Variants in LRRC45 observed in about 807,000 individuals in gnomAD.
The protein encoded by LRRC45 is leucine-rich repeat-containing protein 45.
A neutral mutation model predicts 85.4 loss-of-function variants in LRRC45; 73 were observed. That is an observed-to-expected ratio of 0.85 (90% CI 0.71 to 1.04). The LOEUF (loss-of-function observed/expected upper bound fraction) is 1.04, where lower values mean the gene tolerates loss of function less well. Among genes scored for constraint, LRRC45 ranks in the 50% least tolerant of loss-of-function variants. The pLI is 0.00. For synonymous variants in LRRC45, 429 were observed against 386.0 expected (o/e 1.11, Z -1.31); for missense variants, 937 against 883.3 (o/e 1.06, Z -0.77).
rs1029594724 is a variant in LRRC45 at position 82,023,309 on chromosome 17, T to C, written c.-335T>C. The C allele has an allele frequency of 6.6e-6, 3 of 452,642 alleles. No homozygotes were observed. Among genetic ancestry groups the C allele is most frequent in the African/African-American group, 2.1e-5 (1 of 47,970 alleles). 28.0% of individuals were successfully genotyped at this position (452,642 alleles called of 1,614,324 possible). ...CGGCCTCTCCCGGCGCGCCTTGTTC[T>C]TCCTGGATACTGAGGCCCCGACGCG... On this transcript the variant is annotated 5_prime_UTR_variant, in exon 1 of 17. Coordinates refer to ENST00000306688, the MANE Select transcript of LRRC45 (RefSeq NM_144999.4).
rs768733980 is a variant in LRRC45 at position 82,027,787 on chromosome 17, G to T, written c.911+36G>T. ...GGTGGCCTCAGGATACTTCAGAGACGTGCCCACAGGGCAGAGAAAGGTGGT... is the reference window on the plus strand; with the variant it reads ...GGTGGCCTCAGGATACTTCAGAGACTTGCCCACAGGGCAGAGAAAGGTGGT... On this transcript the variant is annotated intron_variant, in intron 8 of 16. Coordinates refer to ENST00000306688, the MANE Select transcript of LRRC45 (RefSeq NM_144999.4). The T allele has an allele frequency of 3.8e-6, 6 of 1,597,378 alleles. No individual in the cohort carries two copies. The East Asian group carries it at 1.3e-4, about 36-fold the overall frequency.
Position 82,028,401 on chromosome 17 carries a change from A to T in LRRC45, c.1130A>T (p.Asp377Val). The T allele has an allele frequency of 1.9e-6, 3 of 1,612,572 alleles. No homozygotes were observed. In the South Asian group the frequency reaches 3.3e-5, roughly 18 times the overall value. ...EKNLLLQNQV[D>V]ELERKFRCQQ... ...CTCCCTGGTGCCGGCTTTCAGGTAGACGAGTTGGAGCGGAAGTTCAGGTGT... is the reference window on the plus strand; with the variant it reads ...CTCCCTGGTGCCGGCTTTCAGGTAGTCGAGTTGGAGCGGAAGTTCAGGTGT... Residue 377 changes from aspartate (D) to valine (V), a missense_variant, in exon 11 of 17, where the codon GAC (aspartate) becomes GTC (valine). By Grantham distance (152) the Asp-to-Val change is radical (BLOSUM62 -3). Transcript: ENST00000306688.
intron 16 of LRRC45, 68 bp from the exon 17 acceptor site, chr17:82,030,541 C>A: frequency 6.7e-7 from 1 of 1,501,612 alleles, no homozygotes; most frequent in South Asian, 1.2e-5. Flanking sequence ...CTGGCCAGGT[C>A]TCCCGTGCTG....
rs1019079219 is a variant in LRRC45, at chr17:82,030,258, G to A, written c.1668+20G>A. On this transcript the variant is annotated intron_variant, in intron 15 of 16. Transcript: ENST00000306688. ...CAGCAGGTAGGCGGGGCTCCGGTGG[G>A]GGGCCCCGGGCGTGCTAGCCCCCAA... 6.5e-7 allele frequency: 1 copy of A among 1,534,318 alleles called. No homozygotes were observed. The highest frequency in any genetic ancestry group is 8.8e-7 in the Non-Finnish European group (1 of 1,136,152).
chr17:82,029,427 C>CCTG, intron 13 of LRRC45, 116 bp from the exon 14 acceptor site: 1 of 1,211,188 alleles, frequency 8.3e-7, no homozygotes, highest in Non-Finnish European at 1.2e-6. Flanking sequence ...GCTGCGTGGC[C>CCTG]CTCAGGAGGC....
chr17:82,024,078 T>C, intron 1 of LRRC45, 200 bp from the exon 2 acceptor site: 1 of 736,216 alleles, frequency 1.4e-6, no homozygotes, highest in Non-Finnish European at 2.2e-6. Context: ...GTTCCCCGCG[T>C]GCAGAGCCGG....
At position 82,023,557 on chromosome 17, in the gene LRRC45, C is replaced by T. The variant is rs965909903; in HGVS notation, c.-87C>T. ...GTCGGCGGAGGCCCCGTCTCCTGTACCCGGCGCTGGGACTGCTCCGCACCG... is the reference window on the plus strand; with the variant it reads ...GTCGGCGGAGGCCCCGTCTCCTGTATCCGGCGCTGGGACTGCTCCGCACCG... On this transcript the variant is annotated 5_prime_UTR_variant, in exon 1 of 17. Transcript: ENST00000306688. 6 of 1,253,516 alleles carry T rather than the reference C, an allele frequency of 4.8e-6. No homozygotes were observed. Among genetic ancestry groups the T allele is most frequent in the South Asian group, 3.1e-5 (2 of 63,574 alleles). The allele number at this position is 1,253,516 out of a possible 1,614,324, so 77.6% of individuals were successfully genotyped here.
chr17:82,026,016 G>T (rs1421731704), intron 5 of LRRC45, among the ~76,000 whole-genome samples: 1 of 152,192 alleles, frequency 6.6e-6, no homozygotes, highest in Non-Finnish European at 1.5e-5. Flanking sequence ...ACTCAGCTGG[G>T]GACTTTGCCA....
chr17:82,023,517 T>G lies in LRRC45; in HGVS notation c.-127T>G. ...CTCCCGCCCGCGGAGCCCACTCGGA[T>G]TGCTCTCCGCCCGGGTCGGCGGAGG... On this transcript the variant is annotated 5_prime_UTR_variant, in exon 1 of 17. Coordinates refer to ENST00000306688, the MANE Select transcript of LRRC45 (RefSeq NM_144999.4). 1 of 825,234 alleles carries G rather than the reference T, an allele frequency of 1.2e-6. No homozygotes were observed. Among genetic ancestry groups the G allele is most frequent in the Non-Finnish European group, 1.8e-6 (1 of 552,522 alleles). 51.1% of individuals were successfully genotyped at this position (825,234 alleles called of 1,614,324 possible). A position where few individuals can be genotyped will look rare whatever the true frequency, so the allele number is the denominator to read the frequency against.
chr17:82,029,894 G>A (rs2043402430), intron 14 of LRRC45, among the ~76,000 whole-genome samples, 171 bp from the exon 15 acceptor site: 1 of 152,234 alleles, frequency 6.6e-6, no homozygotes, highest in Non-Finnish European at 1.5e-5. Flanking sequence ...AGAGGGAGGA[G>A]GAGAGCCCAG....
chr17:82,027,549 C>T (rs565360567), intron 7 of LRRC45, 105 bp downstream of exon 7: 71 of 1,554,516 alleles, frequency 4.6e-5, no homozygotes, highest in Non-Finnish European at 5.8e-5. Context: ...ACGAGGAGGT[C>T]GCTGGAGGCT....
chr17:82,024,168 C>G, intron 1 of LRRC45, 110 bp from the exon 2 acceptor site: 1 of 1,270,940 alleles, frequency 7.9e-7, no homozygotes, highest in Non-Finnish European at 1.1e-6. Context: ...CCCAGACCAT[C>G]GGGACAGTTG....
chr17:82,023,888 C>G, intron 1 of LRRC45, 25 bp downstream of exon 1: 1 of 1,538,554 alleles, frequency 6.5e-7, no homozygotes. Flanking sequence ...CGGGGTGGAT[C>G]CCTCTGCTCC....
rs749786961 is a variant in LRRC45, at chr17:82,030,121, C to G, written c.1551C>G (p.Asp517Glu). The G allele has an allele frequency of 2.6e-6, 4 of 1,547,800 alleles. No individual in the cohort carries two copies. The highest frequency in any genetic ancestry group is 2.0e-5 in the Admixed American group (1 of 51,052). The change falls in exon 15 of 17, where the codon GAC becomes GAG. Residue 517 changes from aspartate to glutamate, a missense_variant. Physicochemically the swap from Asp to Glu is conservative, Grantham distance 45. Transcript: ENST00000306688. ...DKLRLLAQARDEAQGACLQQK... is the reference protein window; with the variant it reads ...DKLRLLAQAREEAQGACLQQK... Reference sequence around the variant, plus strand: ...TGAGACTGCTGGCGCAGGCACGGGACGAGGCGCAGGGCGCTTGCCTACAGC... The same window carrying G: ...TGAGACTGCTGGCGCAGGCACGGGAGGAGGCGCAGGGCGCTTGCCTACAGC...
chr17:82,028,724 T>G (rs773781074), intron 12 of LRRC45, 41 bp downstream of exon 12: 1 of 1,580,070 alleles, frequency 6.3e-7, no homozygotes. Context: ...CAGTCTCTGG[T>G]CTTGGTGTCA....
chr17:82,027,575 C>T, intron 7 of LRRC45, 99 bp from the exon 8 acceptor site: 1 of 1,537,804 alleles, frequency 6.5e-7, no homozygotes, highest in Non-Finnish European at 8.9e-7. Context: ...CCCAGGCGAC[C>T]ATAGATGCTT....
chr17:82,023,533 TCGGCGGAGGCCC>T lies in LRRC45; in HGVS notation c.-108_-97del. ...CCACTCGGATTGCTCTCCGCCCGGGTCGGCGGAGGCCCCGTCTCCTGTACCCGGCGCTGGGAC... is the reference window on the plus strand; with the variant it reads ...CCACTCGGATTGCTCTCCGCCCGGGTCGTCTCCTGTACCCGGCGCTGGGAC... On this transcript the variant is annotated 5_prime_UTR_variant, in exon 1 of 17. Transcript: ENST00000306688. 5.2e-6 allele frequency: 5 copies of T among 969,252 alleles called. No individual in the cohort carries two copies. Among genetic ancestry groups the T allele is most frequent in the Non-Finnish European group, 7.3e-6 (5 of 684,570 alleles). 60.0% of individuals were successfully genotyped at this position (969,252 alleles called of 1,614,324 possible).
At chr17:82,024,168 C>T (rs1360447106) in intron 1 of LRRC45, 110 bp from the exon 2 acceptor site, 10 of 1,270,822 alleles carry the variant, frequency 7.9e-6, no homozygotes, top group Middle Eastern at 2.0e-4. Context: ...CCCAGACCAT[C>T]GGGACAGTTG....
In LRRC45 at chr17:82,030,602, C is replaced by A; in HGVS notation, c.1817-7C>A. 7.0e-7 allele frequency: 1 copy of A among 1,421,626 alleles called. No individual in the cohort carries two copies. Among genetic ancestry groups the A allele is most frequent in the South Asian group, 1.4e-5 (1 of 69,916 alleles). 88.1% of individuals were successfully genotyped at this position (1,421,626 alleles called of 1,614,324 possible). On this transcript the variant is annotated splice_region_variant and splice_polypyrimidine_tract_variant and intron_variant, in intron 16 of 16. Transcript: ENST00000306688. ...TGCGTCCGCTCACTGCGCTCCTTGC[C>A]CTGCAGTGATGGCGAGCGACCACCG...
Sources: gnomAD v4.1 joint callset for allele counts (sites outside exome capture counted in the v4.1 genomes callset) on GRCh38, gnomAD v4.1.1 for gene constraint, MANE v1.5 for transcripts, NCBI Gene and HGNC (gene_info 2026-07-23, HGNC 2026-07-21) for gene names.